Variants in MAN2A1 observed in about 807,000 individuals in gnomAD.
The protein encoded by MAN2A1 is mannosidase alpha class 2A member 1.
Under a neutral mutation model 142.6 loss-of-function variants are expected in MAN2A1, and 76 were observed. The observed-to-expected ratio is 0.53, with a 90% CI of 0.44 to 0.65. The LOEUF (loss-of-function observed/expected upper bound fraction) is 0.65. MAN2A1 is among the 30% of genes least tolerant of loss of function. The pLI is 0.00. For synonymous variants in MAN2A1, 559 were observed against 473.2 expected (o/e 1.18, Z -2.35); for missense variants, 1,311 against 1,365.1 (o/e 0.96, Z 0.62).
At chr5:109,800,318 G>A (rs547302926) in intron 12 of MAN2A1, among the ~76,000 whole-genome samples, 68 of 152,252 alleles carry the variant, frequency 4.5e-4, no homozygotes, top group African/African-American at 1.5e-3. Flanking sequence ...CCCACTAAAT[G>A]CCTGCGTAAT....
intron 1 of MAN2A1, among the ~76,000 whole-genome samples, chr5:109,692,573 G>GC (rs1228294450): frequency 6.6e-6 from 1 of 152,116 alleles, no homozygotes; most frequent in Non-Finnish European, 1.5e-5. Context: ...TAATTAGCTT[G>GC]CCCAAGATCA....
chr5:109,779,993 T>A (rs138832881), intron 8 of MAN2A1, among the ~76,000 whole-genome samples: 72 of 152,324 alleles, frequency 4.7e-4, no homozygotes, highest in African/African-American at 1.7e-3. Context: ...AGTCGCAATT[T>A]TGTCTTTGCA....
chr5:109,746,219 G>A (rs980525863), intron 4 of MAN2A1, among the ~76,000 whole-genome samples: 1 of 152,092 alleles, frequency 6.6e-6, no homozygotes, highest in Non-Finnish European at 1.5e-5. Context: ...AAGTGATCTG[G>A]CAGCCTTGGC....
chr5:109,813,424 A>T (rs1352205575), intron 12 of MAN2A1, among the ~76,000 whole-genome samples: 1 of 152,188 alleles, frequency 6.6e-6, no homozygotes, highest in African/African-American at 2.4e-5. Flanking sequence ...TATAAGCCCT[A>T]TTGTGGCACT....
chr5:109,845,797 G>A, intron 17 of MAN2A1, 68 bp from the exon 18 acceptor site: 4 of 1,290,908 alleles, frequency 3.1e-6, no homozygotes, highest in Non-Finnish European at 4.2e-6. Context: ...AAAATCACCT[G>A]TCCTCAAGTT....
intron 12 of MAN2A1, among the ~76,000 whole-genome samples, chr5:109,791,577 G>T (rs1456819714): frequency 2.0e-5 from 3 of 151,664 alleles, no homozygotes; most frequent in Non-Finnish European, 2.9e-5. Context: ...TATAAACACA[G>T]TTCCTGTTTG....
intron 7 of MAN2A1, among the ~76,000 whole-genome samples, chr5:109,774,419 T>G (rs1753227481): frequency 6.6e-6 from 1 of 152,104 alleles, no homozygotes; most frequent in South Asian, 2.1e-4. Flanking sequence ...AGATAAATCA[T>G]TTTAACACCT....
chr5:109,782,906 AAGT>A (rs1012563612), intron 9 of MAN2A1, among the ~76,000 whole-genome samples: 2 of 152,134 alleles, frequency 1.3e-5, no homozygotes, highest in African/African-American at 4.8e-5. Context: ...AAATAACTAA[AAGT>A]AGAATTGGAA....
In MAN2A1 at chr5:109,751,178, C is replaced by T. The variant is rs554843905; in HGVS notation, c.708-4151C>T. Reference sequence around the variant, plus strand: ...CTCTTCCCAGCCTCTGGTGTCTGTCCTTCTACTCTCCACTTCTGTGAGATC... The same window carrying T: ...CTCTTCCCAGCCTCTGGTGTCTGTCTTTCTACTCTCCACTTCTGTGAGATC... On this transcript the variant is annotated intron_variant, in intron 4 of 21. Transcript: ENST00000261483. 1.7e-4 allele frequency among the ~76,000 whole-genome samples: 26 copies of T among 152,036 alleles called. No individual in the cohort carries two copies. In the South Asian group the frequency reaches 5.2e-3, roughly 30 times the overall value.
In MAN2A1 at chr5:109,866,900, T is replaced by C. The variant is rs1375401211; in HGVS notation, c.3337T>C (p.Ser1113Pro). ...KFIVESLTPS[S>P]LSLMHSPPGT... ...TATTGTCGAAAGTCTCACACCTTCA[T>C]CACTATCCTTGATGCATTCACCTCC... Residue 1113 changes from serine to proline, a missense_variant, in exon 22 of 22, where the codon TCA becomes CCA. Physicochemically the swap from Ser to Pro is moderately conservative, Grantham distance 74. Transcript: ENST00000261483. 7 of 1,612,302 alleles carry C rather than the reference T, an allele frequency of 4.3e-6. No individual in the cohort carries two copies. Among genetic ancestry groups the C allele is most frequent in the Non-Finnish European group, 5.9e-6 (7 of 1,178,834 alleles).
chr5:109,846,622 C>CATTGGT (rs1755350670), intron 18 of MAN2A1, among the ~76,000 whole-genome samples: 1 of 152,136 alleles, frequency 6.6e-6, no homozygotes, highest in Admixed American at 6.6e-5. Context: ...AATTGGTTAT[C>CATTGGT]ATACATGGTA....
chr5:109,855,978 A>G (rs553032860), intron 20 of MAN2A1, among the ~76,000 whole-genome samples: 1 of 152,312 alleles, frequency 6.6e-6, no homozygotes, highest in South Asian at 2.1e-4. Flanking sequence ...GTAAGTGGTT[A>G]TGGATTCTGT....
At chr5:109,817,487 C>T in intron 13 of MAN2A1, 49 bp downstream of exon 13, 1 of 1,570,688 alleles carries the variant, frequency 6.4e-7, no homozygotes. Flanking sequence ...ACAAACCTAG[C>T]CAGTATATAA....
At chr5:109,809,796 A>G (rs887631573) in intron 12 of MAN2A1, among the ~76,000 whole-genome samples, 1 of 152,082 alleles carries the variant, frequency 6.6e-6, no homozygotes, top group East Asian at 1.9e-4. Flanking sequence ...ATTCTCAGCT[A>G]TTCAGGTAAT....
At chr5:109,712,452 A>G (rs765795472) in intron 1 of MAN2A1, among the ~76,000 whole-genome samples, 4 of 152,158 alleles carry the variant, frequency 2.6e-5, no homozygotes, top group Non-Finnish European at 4.4e-5. Flanking sequence ...CATCCCTTCC[A>G]TGATAATGAA....
intron 10 of MAN2A1, among the ~76,000 whole-genome samples, chr5:109,787,009 A>G (rs1753612528): frequency 6.6e-6 from 1 of 152,050 alleles, no homozygotes; most frequent in Admixed American, 6.6e-5. Context: ...GAATGTGTAT[A>G]TAGTTACAAA....
intron 4 of MAN2A1, among the ~76,000 whole-genome samples, chr5:109,739,066 C>A (rs1561487369): frequency 6.6e-6 from 1 of 151,884 alleles, no homozygotes; most frequent in Non-Finnish European, 1.5e-5. Flanking sequence ...GGTCTTGAAC[C>A]CTTGGGCCCA....
At chr5:109,836,327 G>C (rs143021888) in intron 16 of MAN2A1, among the ~76,000 whole-genome samples, 24 of 151,856 alleles carry the variant, frequency 1.6e-4, no homozygotes, top group African/African-American at 5.6e-4. Context: ...ATGTTGGGCA[G>C]GCTGGTCTCA....
intron 17 of MAN2A1, among the ~76,000 whole-genome samples, chr5:109,843,649 A>G (rs978453511): frequency 2.0e-5 from 3 of 152,308 alleles, no homozygotes; most frequent in South Asian, 2.1e-4. Context: ...AGGTATATCT[A>G]TTCAGAAATG....
Sources: gnomAD v4.1 joint callset for allele counts (sites outside exome capture counted in the v4.1 genomes callset) on GRCh38, gnomAD v4.1.1 for gene constraint, MANE v1.5 for transcripts, NCBI Gene and HGNC (gene_info 2026-07-23, HGNC 2026-07-21) for gene names.